The following PANK2 variants were observed in gnomAD, a reference collection of about 807,000 sequenced individuals.
The protein encoded by PANK2 is pantothenate kinase 2, also known as pantothenate kinase 2, mitochondrial.
Under a neutral mutation model 43.1 loss-of-function variants are expected in PANK2, and 36 were observed. The observed-to-expected ratio is 0.84, with a 90% confidence interval of 0.64 to 1.10. The LOEUF (loss-of-function observed/expected upper bound fraction) is 1.10, where lower values mean the gene tolerates loss of function less well. PANK2 is among the 50% of genes least tolerant of loss of function. The pLI is 0.00. For missense variants in PANK2, 576 were observed against 593.3 expected (o/e 0.97, Z 0.30); for synonymous variants, 281 against 238.2 (o/e 1.18, Z -1.66).
rs1292813725 is a variant in PANK2, at chr20:3,928,567, C to CT, written c.*5274dup. On this transcript the variant is annotated 3_prime_UTR_variant, in exon 7 of 7. Coordinates refer to ENST00000610179, the MANE Select transcript of PANK2 (RefSeq NM_001386393.1). ...GGTCAGGAGATCGAGACCATCCTGGCTAACACGGTGAAACTCCGTCTGTAC... is the reference window on the plus strand; with the variant it reads ...GGTCAGGAGATCGAGACCATCCTGGCTTAACACGGTGAAACTCCGTCTGTAC... 1 of 152,008 alleles carries CT rather than the reference C, an allele frequency of 6.6e-6. No homozygotes were observed. The highest frequency in any genetic ancestry group is 1.5e-5 in the Non-Finnish European group (1 of 68,034). The allele number at this position is 152,008 out of a possible 1,614,324, so 9.4% of individuals were successfully genotyped here.
chr20:3,894,398 G>A (rs1026979812), intron 1 of PANK2, among the ~76,000 whole-genome samples: 13 of 150,660 alleles, frequency 8.6e-5, no homozygotes, highest in African/African-American at 2.4e-4. Context: ...GCGCTACCAC[G>A]CCTGGCTAAT....
At chr20:3,892,673 C>CAAAA (rs763721845) in intron 1 of PANK2, among the ~76,000 whole-genome samples, 10 of 104,218 alleles carry the variant, frequency 9.6e-5, no homozygotes, top group Non-Finnish European at 1.3e-4. Context: ...GACTCTGTCT[C>CAAAA]AAAAAAAAAA....
intron 1 of PANK2, chr20:3,889,940 C>T: frequency 6.5e-7 from 1 of 1,529,066 alleles, no homozygotes; most frequent in African/African-American, 1.4e-5. Flanking sequence ...TTGGTATGCA[C>T]TTCCCGCTTG....
intron 1 of PANK2, among the ~76,000 whole-genome samples, chr20:3,905,349 T>G (rs2146852226): frequency 6.9e-6 from 1 of 145,498 alleles, no homozygotes; most frequent in Admixed American, 7.1e-5. Flanking sequence ...TGCTGCTATC[T>G]CTTTTTTTTT....
At chr20:3,901,206 G>A (rs2090295607) in intron 1 of PANK2, among the ~76,000 whole-genome samples, 2 of 150,450 alleles carry the variant, frequency 1.3e-5, no homozygotes, top group South Asian at 2.1e-4. Flanking sequence ...ACAGGTGCAC[G>A]TGATCATACC....
chr20:3,919,487 A>T (rs1201301077), intron 6 of PANK2, among the ~76,000 whole-genome samples: 1 of 152,120 alleles, frequency 6.6e-6, no homozygotes, highest in Admixed American at 6.6e-5. Context: ...GTTATTTAAG[A>T]TGCATGTTGT....
Position 3,927,493 on chromosome 20 carries a change from G to T in PANK2, c.*4199G>T, listed in dbSNP as rs550096047. ...TGCAGAATTTTTAGTGTACAAAGACGTCTATGAAACCTGAGGTTCAGCATT... is the reference window on the plus strand; with the variant it reads ...TGCAGAATTTTTAGTGTACAAAGACTTCTATGAAACCTGAGGTTCAGCATT... On this transcript the variant is annotated 3_prime_UTR_variant, in exon 7 of 7. Transcript: ENST00000610179. The T allele has an allele frequency of 1.3e-5, 2 of 152,164 alleles. No homozygotes were observed. Among genetic ancestry groups the T allele is most frequent in the Non-Finnish European group, 2.9e-5 (2 of 68,034 alleles). 9.4% of individuals were successfully genotyped at this position (152,164 alleles called of 1,614,324 possible). A position where few individuals can be genotyped will look rare whatever the true frequency, so the allele number is the denominator to read the frequency against.
intron 1 of PANK2, among the ~76,000 whole-genome samples, chr20:3,896,229 A>ATTTTT (rs35978823): frequency 4.5e-5 from 5 of 111,930 alleles, no homozygotes; most frequent in Non-Finnish European, 7.1e-5. Context: ...CGCCTGGCTA[A>ATTTTT]TTTTTTTTTT....
chr20:3,917,132 CAG>C (rs1394038344), intron 5 of PANK2, 82 bp downstream of exon 5: 1 of 1,562,822 alleles, frequency 6.4e-7, no homozygotes, highest in African/African-American at 1.4e-5. Flanking sequence ...TTTCTCAGAA[CAG>C]TGCCTAAATG....
chr20:3,890,897 AGTTTT>A (rs1366525855), intron 1 of PANK2, among the ~76,000 whole-genome samples: 2 of 152,182 alleles, frequency 1.3e-5, no homozygotes, highest in African/African-American at 4.8e-5. Flanking sequence ...TCAGTCACCT[AGTTTT>A]GTTTTATTTG....
At position 3,921,016 on chromosome 20, in the gene PANK2, T is replaced by C. The variant is rs181888309; in HGVS notation, c.1332+2220T>C. ...CATTTGCATTCAGGCCTTTGACTCT[T>C]GTGTGCATCTCTGCCCTTGTGGAAC... On this transcript the variant is annotated intron_variant, in intron 6 of 6. Coordinates refer to ENST00000610179, the MANE Select transcript of PANK2 (RefSeq NM_001386393.1). Among the ~76,000 whole-genome samples the C allele has an allele frequency of 3.2e-3, 490 of 152,284 alleles. 3 individuals are homozygous for C. Among genetic ancestry groups the C allele is most frequent in the African/African-American group, 0.011 (465 of 41,514 alleles).
chr20:3,894,401 T>C (rs575776810), intron 1 of PANK2, among the ~76,000 whole-genome samples: 2 of 150,730 alleles, frequency 1.3e-5, no homozygotes, highest in Admixed American at 6.6e-5. Flanking sequence ...CTACCACGCC[T>C]GGCTAATTTT....
At position 3,927,071 on chromosome 20, in the gene PANK2, C is replaced by G. The variant is rs770126028; in HGVS notation, c.*3777C>G. 3 of 152,422 alleles carry G rather than the reference C, an allele frequency of 2.0e-5. No homozygotes were observed. The highest frequency in any genetic ancestry group is 2.9e-5 in the Non-Finnish European group (2 of 68,298). 9.4% of individuals were successfully genotyped at this position (152,422 alleles called of 1,614,324 possible). On this transcript the variant is annotated 3_prime_UTR_variant, in exon 7 of 7. Coordinates refer to ENST00000610179, the MANE Select transcript of PANK2 (RefSeq NM_001386393.1). ...CCAGGGGGCTTCAGACTCCACTGTA[C>G]TCTGCATTCCAGGATTCTCTGTTCT... is the stretch of plus-strand genomic sequence containing the variant.
rs2090739386 is a variant in PANK2 at position 3,927,438 on chromosome 20, A to G, written c.*4144A>G. 1 of 152,224 alleles carries G rather than the reference A, an allele frequency of 6.6e-6. No homozygotes were observed. Among genetic ancestry groups the G allele is most frequent in the African/African-American group, 2.4e-5 (1 of 41,466 alleles). 9.4% of individuals were successfully genotyped at this position (152,224 alleles called of 1,614,324 possible). A position where few individuals can be genotyped will look rare whatever the true frequency, so the allele number is the denominator to read the frequency against. On this transcript the variant is annotated 3_prime_UTR_variant, in exon 7 of 7. Coordinates refer to ENST00000610179, the MANE Select transcript of PANK2 (RefSeq NM_001386393.1). ...TAAATATACAAAAATATAGCTTACA[A>G]AAAACTGCGAATGTTTAAAAATATT... is the stretch of plus-strand genomic sequence containing the variant.
At chr20:3,917,606 A>G (rs1186971137) in intron 5 of PANK2, 2 of 506,484 alleles carry the variant, frequency 3.9e-6, no homozygotes, top group African/African-American at 3.9e-5. Context: ...AGGATCTAGG[A>G]TCCAGTTGGT....
intron 3 of PANK2, 143 bp from the exon 4 acceptor site, chr20:3,912,315 C>A: frequency 1.1e-6 from 1 of 894,432 alleles, no homozygotes. Context: ...GGCACCTTAT[C>A]TTTTCACAGA....
chr20:3,889,814 T>TCCCGCGCGCGGACACTGTC (rs2090087024), intron 1 of PANK2, 86 bp downstream of exon 1: 1 of 1,541,490 alleles, frequency 6.5e-7, no homozygotes, highest in Non-Finnish European at 8.7e-7. Context: ...CCGCCGTTTT[T>TCCCGCGCGCGGACACTGTC]CCCGCGCGCG....
At chr20:3,917,109 C>G (rs2090574027) in intron 5 of PANK2, 59 bp downstream of exon 5, 5 of 1,603,768 alleles carry the variant, frequency 3.1e-6, no homozygotes, top group Non-Finnish European at 4.3e-6. Flanking sequence ...TAAGTGGGCC[C>G]CATCACGTCT....
chr20:3,901,686 T>C (rs1486832011), intron 1 of PANK2: 3 of 831,832 alleles, frequency 3.6e-6, no homozygotes, highest in Non-Finnish European at 4.3e-6. Flanking sequence ...CTTAAAGCTC[T>C]TGGATTAAAA....
Sources: gnomAD v4.1 joint callset for allele counts (sites outside exome capture counted in the v4.1 genomes callset) on GRCh38, gnomAD v4.1.1 for gene constraint, MANE v1.5 for transcripts, NCBI Gene and HGNC (gene_info 2026-07-23, HGNC 2026-07-21) for gene names.